The following SRGAP2C variants were observed in gnomAD, a reference collection of about 807,000 sequenced individuals.
SRGAP2C encodes the protein SLIT-ROBO Rho GTPase-activating protein 2C.
SRGAP2C carries 15 observed loss-of-function variants against 25.1 expected under a neutral mutation model. That is an observed-to-expected ratio of 0.60 (90% confidence interval 0.40 to 0.92). The LOEUF is 0.92. Among genes scored for constraint, SRGAP2C ranks in the 40% least tolerant of loss-of-function variants. The pLI, the probability that SRGAP2C is intolerant of heterozygous loss-of-function variation, is 0.00. For missense variants in SRGAP2C, 144 were observed against 264.4 expected, an observed-to-expected ratio of 0.54 and a Z score of 3.16; for synonymous variants, 44 against 96.6, an observed-to-expected ratio of 0.46 and a Z score of 3.19.
At chr1:121,218,710 G>A (rs1553325182) in intron 2 of SRGAP2C, among the ~76,000 whole-genome samples, 1 of 151,622 alleles carries the variant, frequency 6.6e-6, no homozygotes, top group Admixed American at 6.6e-5. Context: ...TCACACCACT[G>A]CACTCCAGTC....
intron 8 of SRGAP2C, among the ~76,000 whole-genome samples, chr1:121,383,286 A>T (rs1407818572): frequency 2.1e-4 from 30 of 145,838 alleles, no homozygotes; most frequent in African/African-American, 7.6e-4. Context: ...ACAGTTCAGG[A>T]TGGTGAAAGG....
chr1:121,195,357 C>A (rs587675320), intron 2 of SRGAP2C, among the ~76,000 whole-genome samples: 12 of 150,092 alleles, frequency 8.0e-5, no homozygotes, highest in Admixed American at 1.3e-4. Context: ...TTGCAGTGAG[C>A]CGAGATCATG....
chr1:121,319,511 T>C (rs1258505015), intron 3 of SRGAP2C, among the ~76,000 whole-genome samples: 1 of 149,688 alleles, frequency 6.7e-6, no homozygotes, highest in Non-Finnish European at 1.5e-5. Flanking sequence ...ACTTGGCTCT[T>C]CACCATGGAT....
intron 3 of SRGAP2C, among the ~76,000 whole-genome samples, chr1:121,306,761 C>G (rs1657850835): frequency 2.0e-5 from 3 of 151,614 alleles, no homozygotes; most frequent in Admixed American, 2.0e-4. Flanking sequence ...TCAAAGGGAT[C>G]TGGAATACGT....
At chr1:121,230,797 A>G (rs1553327410) in intron 2 of SRGAP2C, among the ~76,000 whole-genome samples, 1 of 152,146 alleles carries the variant, frequency 6.6e-6, no homozygotes, top group African/African-American at 2.4e-5. Context: ...AATGCCCATC[A>G]ATGATAGACG....
At chr1:121,314,416 T>C (rs1658046156) in intron 3 of SRGAP2C, among the ~76,000 whole-genome samples, 3 of 152,186 alleles carry the variant, frequency 2.0e-5, no homozygotes, top group Admixed American at 2.0e-4. Context: ...GAAGCCTTCT[T>C]CTCTCAGCTC....
At chr1:121,298,354 T>C (rs1444307658) in intron 3 of SRGAP2C, among the ~76,000 whole-genome samples, 7 of 151,176 alleles carry the variant, frequency 4.6e-5, no homozygotes, top group African/African-American at 1.5e-4. Context: ...TCTATAAAGA[T>C]ATACTGTTGA....
chr1:121,285,404 T>A (rs1178552262), intron 3 of SRGAP2C, among the ~76,000 whole-genome samples: 55,811 of 116,896 alleles, frequency 0.48, 8,849 homozygotes, highest in East Asian at 0.55. Flanking sequence ...TCTCTCTCTC[T>A]CACACACACA....
rs1216881433 is a variant in SRGAP2C, at chr1:121,285,422, ACACTCACACT to A, written c.260+431_260+440del. Among the ~76,000 whole-genome samples the A allele has an allele frequency of 9.0e-5, 13 of 145,052 alleles. No homozygotes were observed. The East Asian group carries it at 1.5e-3, about 16-fold the overall frequency. On this transcript the variant is annotated intron_variant, in intron 3 of 9. Transcript: ENST00000367123. ...CTCTCTCTCACACACACACACACAC[ACACTCACACT>A]CACACACCCCTAGTAAATAGTAGAG...
At chr1:121,195,276 G>C (rs1321226160) in intron 2 of SRGAP2C, among the ~76,000 whole-genome samples, 1 of 152,006 alleles carries the variant, frequency 6.6e-6, no homozygotes, top group African/African-American at 2.4e-5. Context: ...TGGGCGTGGT[G>C]GTGGGTGCCT....
rs1240160748 is a variant in SRGAP2C, at chr1:121,206,502, G to A, written c.67+18989G>A. On this transcript the variant is annotated intron_variant, in intron 2 of 9. Coordinates refer to ENST00000367123, the MANE Select transcript of SRGAP2C (RefSeq NM_001329984.2). ...GCACTCTGAGTTGAAGAGTGATGAA[G>A]TGTGATGAAGTCATTTCAGAGGGAC... 6.6e-5 allele frequency among the ~76,000 whole-genome samples: 10 copies of A among 152,168 alleles called. No homozygotes were observed. In the East Asian group the frequency reaches 1.9e-3, roughly 29 times the overall value.
chr1:121,264,740 C>T (rs1426511492), intron 2 of SRGAP2C, among the ~76,000 whole-genome samples: 31 of 149,492 alleles, frequency 2.1e-4, no homozygotes, highest in Non-Finnish European at 4.0e-4. Flanking sequence ...TCGTCTTTTT[C>T]CCCGATAATG....
chr1:121,213,318 G>A (rs1239694606), intron 2 of SRGAP2C, among the ~76,000 whole-genome samples: 1 of 150,370 alleles, frequency 6.7e-6, no homozygotes, highest in Non-Finnish European at 1.5e-5. Context: ...AGTGTTGGGA[G>A]TACAGATGTA....
chr1:121,374,585 T>C (rs782554619), intron 6 of SRGAP2C, among the ~76,000 whole-genome samples: 16 of 152,144 alleles, frequency 1.1e-4, no homozygotes, highest in Non-Finnish European at 2.1e-4. Context: ...AAGAATGATA[T>C]TTGAAGATAG....
intron 2 of SRGAP2C, among the ~76,000 whole-genome samples, chr1:121,265,172 C>G (rs1656741076): frequency 7.0e-6 from 1 of 143,626 alleles, no homozygotes; most frequent in South Asian, 2.3e-4. Flanking sequence ...GTACTCCAGC[C>G]TGGGCAACCA....
At chr1:121,267,640 A>G (rs1203444563) in intron 2 of SRGAP2C, among the ~76,000 whole-genome samples, 4 of 124,566 alleles carry the variant, frequency 3.2e-5, no homozygotes, top group Admixed American at 1.7e-4. Context: ...CTTTGTCTTC[A>G]TACTCCATGG....
At chr1:121,258,373 G>A (rs1179899615) in intron 2 of SRGAP2C, among the ~76,000 whole-genome samples, 3 of 150,792 alleles carry the variant, frequency 2.0e-5, no homozygotes, top group South Asian at 2.1e-4. Context: ...CACAGCAGCT[G>A]AGTATTTGCT....
intron 2 of SRGAP2C, among the ~76,000 whole-genome samples, chr1:121,260,358 T>C (rs1361256793): frequency 3.3e-5 from 5 of 151,772 alleles, no homozygotes; most frequent in Admixed American, 3.3e-4. Context: ...GTGTGCTTGG[T>C]GTATTTGAGG....
At chr1:121,189,030 C>A (rs1324765365) in intron 2 of SRGAP2C, among the ~76,000 whole-genome samples, 1 of 98,248 alleles carries the variant, frequency 1.0e-5, no homozygotes, top group African/African-American at 4.5e-5. Flanking sequence ...CCACTGGCCT[C>A]CATGTCCTGT....
Sources: gnomAD v4.1 joint callset for allele counts (sites outside exome capture counted in the v4.1 genomes callset) on GRCh38, gnomAD v4.1.1 for gene constraint, MANE v1.5 for transcripts, NCBI Gene and HGNC (gene_info 2026-07-23, HGNC 2026-07-21) for gene names.